The following LRTM1 variants were observed in gnomAD, a reference collection of about 807,000 sequenced individuals.
LRTM1 encodes the protein leucine-rich repeat and transmembrane domain-containing protein 1.
In LRTM1, 38 loss-of-function variants were observed where a neutral mutation model predicts 32.4. The ratio of observed to expected loss-of-function variants is 1.17; its 90% confidence interval spans 0.91 to 1.54. LRTM1 has a LOEUF of 1.54. LRTM1 is among the 40% of genes most tolerant of loss of function. The pLI, the probability that LRTM1 is intolerant of heterozygous loss-of-function variation, is 0.00. For missense variants in LRTM1, 466 were observed against 415.4 expected (o/e 1.12, Z -1.06); for synonymous variants, 186 against 169.9 (o/e 1.09, Z -0.74).
At chr3:54,964,734 T>C (rs1371539015) in intron 1 of LRTM1, among the ~76,000 whole-genome samples, 1 of 152,200 alleles carries the variant, frequency 6.6e-6, no homozygotes, top group Non-Finnish European at 1.5e-5. Context: ...AGGTGATATT[T>C]GTTTTTCTGA....
chr3:54,927,725 C>G (rs1701064580), intron 1 of LRTM1, among the ~76,000 whole-genome samples, 180 bp downstream of exon 1: 1 of 152,198 alleles, frequency 6.6e-6, no homozygotes, highest in African/African-American at 2.4e-5. Flanking sequence ...TCTCTCCACC[C>G]TCTTCCTCTG....
chr3:54,954,173 C>T (rs1310511455), intron 1 of LRTM1, among the ~76,000 whole-genome samples: 3 of 152,190 alleles, frequency 2.0e-5, no homozygotes, highest in Non-Finnish European at 4.4e-5. Context: ...CACCCAGTCG[C>T]ATCTGGTCTT....
intron 1 of LRTM1, among the ~76,000 whole-genome samples, chr3:54,953,655 C>T (rs1380209671): frequency 1.3e-5 from 2 of 152,186 alleles, no homozygotes; most frequent in African/African-American, 4.8e-5. Flanking sequence ...TCCAGTTCCC[C>T]AGGAGCTGGG....
chr3:54,946,285 C>T (rs1035294014), intron 1 of LRTM1, among the ~76,000 whole-genome samples: 7 of 152,152 alleles, frequency 4.6e-5, no homozygotes. Flanking sequence ...TTGAGTGCCC[C>T]CTCTTATACT....
At chr3:54,947,014 G>A (rs1701633315) in intron 1 of LRTM1, among the ~76,000 whole-genome samples, 1 of 152,168 alleles carries the variant, frequency 6.6e-6, no homozygotes, top group African/African-American at 2.4e-5. Context: ...CCTTAGACAA[G>A]TAATTGGGTC....
chr3:54,939,860 G>A (rs12487849), intron 1 of LRTM1, among the ~76,000 whole-genome samples: 66,771 of 152,090 alleles, frequency 0.44, 15,681 homozygotes, highest in East Asian at 0.75. Context: ...AACAAAAGCC[G>A]CTGGCCATGC....
chr3:54,965,963 A>G (rs1388793866), intron 1 of LRTM1, among the ~76,000 whole-genome samples: 1 of 152,070 alleles, frequency 6.6e-6, no homozygotes, highest in Non-Finnish European at 1.5e-5. Context: ...GATTAATGGG[A>G]TGGAGGGACT....
At chr3:54,962,936 TTGTTTTATTTCTAATTTTATA>T (rs1195135959) in intron 1 of LRTM1, among the ~76,000 whole-genome samples, 3 of 152,144 alleles carry the variant, frequency 2.0e-5, no homozygotes, top group African/African-American at 7.2e-5. Flanking sequence ...ATGAGAAAAG[TTGTTTTATTTCTAATTTTATA>T]TGTTTTATTT....
intron 1 of LRTM1, among the ~76,000 whole-genome samples, chr3:54,954,595 C>T (rs11707318): frequency 3.3e-5 from 5 of 152,086 alleles, no homozygotes; most frequent in African/African-American, 9.7e-5. Context: ...CTGAGCAGCT[C>T]GTTCAGGAGG....
At chr3:54,946,321 C>T (rs1701613241) in intron 1 of LRTM1, among the ~76,000 whole-genome samples, 1 of 152,198 alleles carries the variant, frequency 6.6e-6, no homozygotes, top group African/African-American at 2.4e-5. Context: ...TACATGTCTT[C>T]AGACCACCAC....
chr3:54,951,422 G>A (rs1017201493), intron 1 of LRTM1, among the ~76,000 whole-genome samples: 1 of 152,202 alleles, frequency 6.6e-6, no homozygotes, highest in South Asian at 2.1e-4. Context: ...CCAAGCCATC[G>A]ACACCATTAG....
chr3:54,927,793 A>G, intron 1 of LRTM1, 112 bp downstream of exon 1: 1 of 1,126,498 alleles, frequency 8.9e-7, no homozygotes, highest in Non-Finnish European at 1.4e-6. Flanking sequence ...ATATCTGTCC[A>G]GTCTTTTAAG....
Position 54,918,641 on chromosome 3 carries a change from T to C in LRTM1, c.856A>G (p.Ile286Val). Residue 286 changes from isoleucine (I) to valine (V), a missense_variant, in exon 3 of 3, where the codon ATT (isoleucine) becomes GTT (valine). Transcript: ENST00000273286. ...ACGCCAGTGATGATGACAGTGGCAA[T>C]GGCATGACGCAGGTTGGCCGGCCTT... ...KPRPANLRHA[I>V]ATVIITGVVC... is the part of the protein sequence containing the mutation. The C allele has an allele frequency of 6.2e-7, 1 of 1,614,164 alleles. No individual in the cohort carries two copies. Among genetic ancestry groups the C allele is most frequent in the South Asian group, 1.1e-5 (1 of 91,086 alleles).
intron 1 of LRTM1, among the ~76,000 whole-genome samples, chr3:54,966,144 C>T (rs1702144463): frequency 6.6e-6 from 1 of 151,850 alleles, no homozygotes; most frequent in South Asian, 2.1e-4. Context: ...GTGGGGGTCT[C>T]AGAAAGGGCA....
At chr3:54,943,813 TAA>T (rs1701540938) in intron 1 of LRTM1, among the ~76,000 whole-genome samples, 1 of 152,212 alleles carries the variant, frequency 6.6e-6, no homozygotes, top group South Asian at 2.1e-4. Flanking sequence ...TGCAGGCACC[TAA>T]GACTTCTCTT....
In LRTM1 at chr3:54,918,321, C is replaced by CTTTTTTTTTCTTT. The variant is rs1700714215; in HGVS notation, c.*137_*138insAAAGAAAAAAAAA. 3.6e-4 allele frequency: 143 copies of CTTTTTTTTTCTTT among 394,396 alleles called. 1 individual carries two copies. The highest frequency in any genetic ancestry group is 1.9e-3 in the African/African-American group (65 of 34,120). 24.4% of individuals were successfully genotyped at this position (394,396 alleles called of 1,614,324 possible). ...CCAGAAATATTTTTTACAGACACAT[C>CTTTTTTTTTCTTT]TTTTTTTTTTCTTTTTTTTTTTTTT... On this transcript the variant is annotated 3_prime_UTR_variant, in exon 3 of 3. Coordinates refer to ENST00000273286, the MANE Select transcript of LRTM1 (RefSeq NM_020678.4).
intron 1 of LRTM1, 45 bp from the exon 2 acceptor site, chr3:54,925,260 G>T: frequency 1.3e-6 from 2 of 1,500,912 alleles, no homozygotes; most frequent in Non-Finnish European, 9.2e-7. Flanking sequence ...AGTTTGTGAG[G>T]TGTGGTATCA....
At chr3:54,930,196 C>A (rs1268962482), upstream of LRTM1, among the ~76,000 whole-genome samples, 1 of 152,132 alleles carries the variant, frequency 6.6e-6, no homozygotes, top group East Asian at 1.9e-4. Flanking sequence ...CTGGTTATCC[C>A]ATCCTCTGGC....
intron 1 of LRTM1, among the ~76,000 whole-genome samples, chr3:54,965,109 A>G (rs1702118979): frequency 6.6e-6 from 1 of 152,196 alleles, no homozygotes; most frequent in Non-Finnish European, 1.5e-5. Flanking sequence ...GGGCCATGCA[A>G]TCTCAGTTAA....
Sources: allele counts gnomAD v4.1 joint callset (sites outside exome capture counted in the v4.1 genomes callset), GRCh38; gene constraint gnomAD v4.1.1; transcripts MANE v1.5; gene names NCBI Gene and HGNC (gene_info 2026-07-23, HGNC 2026-07-21).